DRD2: variants seen among roughly 807,000 people sequenced by gnomAD.
DRD2 encodes the protein dopamine receptor D2.
Under a neutral mutation model 38.0 loss-of-function variants are expected in DRD2, and 8 were observed. The observed-to-expected ratio is 0.21, with a 90% confidence interval of 0.12 to 0.38. The LOEUF is 0.38. Ranked by LOEUF, DRD2 falls within the 10% of genes least tolerant of loss-of-function variation. The pLI, the probability that DRD2 is intolerant of heterozygous loss-of-function variation, is 1.00. For missense variants in DRD2, 403 were observed against 607.7 expected (o/e 0.66, Z 3.54); for synonymous variants, 230 against 238.6 (o/e 0.96, Z 0.33).
chr11:113,419,669 C>T (rs1196100013), intron 2 of DRD2, among the ~76,000 whole-genome samples: 2 of 152,146 alleles, frequency 1.3e-5, no homozygotes. Context: ...CAGAGAGGAG[C>T]GTGAAAGCCC....
chr11:113,457,830 C>T (rs554889003), intron 1 of DRD2, among the ~76,000 whole-genome samples: 10 of 152,362 alleles, frequency 6.6e-5, no homozygotes, highest in African/African-American at 2.2e-4. Flanking sequence ...TTGCAATCAG[C>T]GATAGGCTCT....
rs996747399 is a variant in DRD2 at position 113,430,753 on chromosome 11, C to T, written c.-31-6071G>A. Reference sequence around the variant, plus strand: ...AAGGTTCTCAGTGCTGCTCCAGTTACGCTGGGCTGGTTCTGGCTCCAAAGA... The same window carrying T: ...AAGGTTCTCAGTGCTGCTCCAGTTATGCTGGGCTGGTTCTGGCTCCAAAGA... On this transcript the variant is annotated intron_variant, in intron 1 of 7. Transcript: ENST00000362072. Among the ~76,000 whole-genome samples, 9 of 152,280 alleles carry T rather than the reference C, an allele frequency of 5.9e-5. No individual in the cohort carries two copies. The East Asian group carries it at 9.7e-4, about 16-fold the overall frequency.
intron 1 of DRD2, among the ~76,000 whole-genome samples, chr11:113,435,950 T>C (rs1485810225): frequency 6.6e-6 from 1 of 152,220 alleles, no homozygotes; most frequent in Non-Finnish European, 1.5e-5. Flanking sequence ...TGTTCTTCTT[T>C]ATTAAAAGAC....
In DRD2 at chr11:113,412,768, T is replaced by C. The variant is rs1400335290; in HGVS notation, c.926A>G (p.Asp309Gly). Residue 309 changes from aspartate to glycine, a missense_variant, in exon 7 of 8, where the codon GAC (aspartate) becomes GGC (glycine). Asp to Gly is a moderately conservative substitution (Grantham distance 94, BLOSUM62 -1). Transcript: ENST00000362072. ...PPSHHQLTLPDPSHHGLHSTP... is the reference protein window; with the variant it reads ...PPSHHQLTLPGPSHHGLHSTP... ...GCTGTGGAGACCATGGTGGGACGGG[T>C]CGGGGAGAGTCAGCTGGTGGTGGCT... 5 of 1,613,376 alleles carry C rather than the reference T, an allele frequency of 3.1e-6. No homozygotes were observed. The highest frequency in any genetic ancestry group is 4.2e-6 in the Non-Finnish European group (5 of 1,179,676).
chr11:113,424,254 T>C lies in DRD2; in HGVS notation c.285+113A>G, dbSNP rs11608185. On this transcript the variant is annotated intron_variant, in intron 2 of 7. Transcript: ENST00000362072. ...AGCCCAGAGTGAAGGAAAAACCACC[T>C]GGGGAAGCACCAGGAAACTCATTGG... 673,566 of 1,243,088 alleles carry C rather than the reference T, an allele frequency of 0.54. 195,410 individuals are homozygous for C. The highest frequency in any genetic ancestry group is 0.61 in the Non-Finnish European group (535,599 of 878,258). 77.0% of individuals were successfully genotyped at this position (1,243,088 alleles called of 1,614,324 possible).
chr11:113,436,836 G>A (rs1951043804), intron 1 of DRD2, among the ~76,000 whole-genome samples: 3 of 152,142 alleles, frequency 2.0e-5, no homozygotes, highest in African/African-American at 7.2e-5. Context: ...AGGCTTCAAG[G>A]TATCTTTCTG....
intron 7 of DRD2, 149 bp from the exon 8 acceptor site, chr11:113,411,069 G>T: frequency 1.3e-6 from 1 of 783,402 alleles, no homozygotes; most frequent in Non-Finnish European, 2.0e-6. Flanking sequence ...TTGGATCCTA[G>T]ACCTGCCTCT....
chr11:113,443,411 C>T (rs753276867), intron 1 of DRD2, among the ~76,000 whole-genome samples: 1 of 152,184 alleles, frequency 6.6e-6, no homozygotes, highest in African/African-American at 2.4e-5. Flanking sequence ...GGGTATCCAG[C>T]GCATTTTAGC....
intron 2 of DRD2, among the ~76,000 whole-genome samples, chr11:113,418,621 G>C (rs1950851566): frequency 6.6e-6 from 1 of 152,100 alleles, no homozygotes; most frequent in Admixed American, 6.5e-5. Flanking sequence ...TGACTGACTT[G>C]GAAGGATGCC....
chr11:113,474,953 TC>T, intron 1 of DRD2, 122 bp downstream of exon 1: 1 of 152,270 alleles, frequency 6.6e-6, no homozygotes, highest in Non-Finnish European at 1.5e-5. Flanking sequence ...AGGCGGGCGC[TC>T]CCGAGCAGGC....
intron 1 of DRD2, among the ~76,000 whole-genome samples, chr11:113,434,755 T>G (rs958933260): frequency 2.0e-5 from 3 of 151,806 alleles, no homozygotes; most frequent in African/African-American, 7.3e-5. Flanking sequence ...GGGAGGGAAG[T>G]CACAGCAGGC....
chr11:113,444,335 G>C (rs1218228229), intron 1 of DRD2, among the ~76,000 whole-genome samples: 1 of 152,174 alleles, frequency 6.6e-6, no homozygotes, highest in African/African-American at 2.4e-5. Flanking sequence ...CACCCAGCTG[G>C]TGTATTTGTA....
At chr11:113,418,519 T>C (rs1950850627) in intron 2 of DRD2, among the ~76,000 whole-genome samples, 1 of 152,144 alleles carries the variant, frequency 6.6e-6, no homozygotes, top group Non-Finnish European at 1.5e-5. Context: ...TTTTCTATCT[T>C]CTCTGATCCT....
At chr11:113,460,800 G>A (rs529604798) in intron 1 of DRD2, among the ~76,000 whole-genome samples, 197 of 152,350 alleles carry the variant, frequency 1.3e-3, no homozygotes, top group African/African-American at 4.6e-3. Context: ...ATGAAAGCCA[G>A]AGAAACTGGG....
intron 7 of DRD2, 83 bp downstream of exon 7, chr11:113,412,473 C>A: frequency 6.5e-7 from 1 of 1,538,262 alleles, no homozygotes; most frequent in Non-Finnish European, 8.9e-7. Context: ...CCCCATGATC[C>A]TGCAGCCATG....
chr11:113,422,438 C>T (rs1056234381), intron 2 of DRD2, among the ~76,000 whole-genome samples: 5 of 152,118 alleles, frequency 3.3e-5, no homozygotes, highest in African/African-American at 9.7e-5. Flanking sequence ...TTTGTTTGCT[C>T]TACCATTTTT....
chr11:113,466,528 A>G (rs1951371192), intron 1 of DRD2, among the ~76,000 whole-genome samples: 1 of 152,172 alleles, frequency 6.6e-6, no homozygotes, highest in African/African-American at 2.4e-5. Flanking sequence ...AAAAATTTCC[A>G]TCCAACCTAT....
At chr11:113,435,726 T>G (rs899205707) in intron 1 of DRD2, among the ~76,000 whole-genome samples, 1 of 144,276 alleles carries the variant, frequency 6.9e-6, no homozygotes, top group Admixed American at 7.3e-5. Flanking sequence ...CTACACAGGG[T>G]CACCTGAGCC....
At chr11:113,429,466 C>T (rs1271491470) in intron 1 of DRD2, among the ~76,000 whole-genome samples, 1 of 152,080 alleles carries the variant, frequency 6.6e-6, no homozygotes, top group Non-Finnish European at 1.5e-5. Flanking sequence ...AGGATGGTCT[C>T]GATCTCCTGA....
Sources: allele counts gnomAD v4.1 joint callset (sites outside exome capture counted in the v4.1 genomes callset), GRCh38; gene constraint gnomAD v4.1.1; transcripts MANE v1.5; gene names NCBI Gene and HGNC (gene_info 2026-07-23, HGNC 2026-07-21).